Variants in RAB3IL1 observed in about 807,000 individuals in gnomAD.
RAB3IL1 encodes the protein RAB3A interacting protein like 1.
Under a neutral mutation model 49.2 loss-of-function variants are expected in RAB3IL1, and 37 were observed. That is an observed-to-expected ratio of 0.75 (90% confidence interval 0.58 to 0.99). The LOEUF (loss-of-function observed/expected upper bound fraction) is 0.99. RAB3IL1 is among the 50% of genes least tolerant of loss of function. The pLI, the probability that RAB3IL1 is intolerant of heterozygous loss-of-function variation, is 0.00. For missense variants in RAB3IL1, 484 were observed against 513.0 expected, an observed-to-expected ratio of 0.94 and a Z score of 0.55; for synonymous variants, 193 against 213.9, an observed-to-expected ratio of 0.90 and a Z score of 0.85.
Position 61,908,260 on chromosome 11 carries a change from G to T in RAB3IL1, c.58C>A (p.Pro20Thr), listed in dbSNP as rs764931762. 2.0e-6 allele frequency: 3 copies of T among 1,519,720 alleles called. No individual in the cohort carries two copies. In the Admixed American group the frequency reaches 6.2e-5, roughly 31 times the overall value. 94.1% of individuals were successfully genotyped at this position (1,519,720 alleles called of 1,614,324 possible). ...GGGTCCGTGCTCTTCCAGGGGACCG[G>T]GACAGCTGCAAGGGGCGGCGGGAGG... Reference protein sequence around the residue: ...QGLPPPLAAVPVPWKSTDPCQ... With the variant: ...QGLPPPLAAVTVPWKSTDPCQ... Residue 20 changes from proline to threonine, a missense_variant, in exon 2 of 10, where the codon CCG becomes ACG. Physicochemically the swap from Pro to Thr is conservative, Grantham distance 38. Coordinates refer to ENST00000394836, the MANE Select transcript of RAB3IL1 (RefSeq NM_013401.4).
At chr11:61,915,459 A>C (rs1939636996) in intron 1 of RAB3IL1, among the ~76,000 whole-genome samples, 1 of 152,110 alleles carries the variant, frequency 6.6e-6, no homozygotes, top group Non-Finnish European at 1.5e-5. Flanking sequence ...CCCACCCCAG[A>C]AACCATTTAT....
At chr11:61,910,830 C>T (rs1939423619) in intron 1 of RAB3IL1, among the ~76,000 whole-genome samples, 1 of 152,242 alleles carries the variant, frequency 6.6e-6, no homozygotes, top group South Asian at 2.1e-4. Flanking sequence ...ACAGGATGGC[C>T]ATAGTCACTC....
Position 61,917,529 on chromosome 11 carries a change from C to T in RAB3IL1, c.-162G>A, listed in dbSNP as rs1023971895. ...AGGTCTCAGACGCCTGGGCTCGCGG[C>T]CCCCAGCCCAGCCCCGACCCTGCCC... On this transcript the variant is annotated 5_prime_UTR_variant, in exon 1 of 10. Coordinates refer to ENST00000394836, the MANE Select transcript of RAB3IL1 (RefSeq NM_013401.4). 5 of 1,115,136 alleles carry T rather than the reference C, an allele frequency of 4.5e-6. No homozygotes were observed. The highest frequency in any genetic ancestry group is 5.0e-5 in the Admixed American group (1 of 19,974). The allele number at this position is 1,115,136 out of a possible 1,614,324, so 69.1% of individuals were successfully genotyped here. A position where few individuals can be genotyped will look rare whatever the true frequency, so the allele number is the denominator to read the frequency against.
the RAB3IL1 span, among the ~76,000 whole-genome samples, chr11:61,927,682 G>A: frequency 6.9e-6 from 1 of 145,186 alleles, no homozygotes; most frequent in African/African-American, 2.6e-5. Context: ...AGTTGACTGG[G>A]TCATGGTAAT....
upstream of RAB3IL1, among the ~76,000 whole-genome samples, chr11:61,924,780 G>A (rs1373403340): frequency 6.6e-6 from 1 of 152,168 alleles, no homozygotes; most frequent in Non-Finnish European, 1.5e-5. Context: ...AAGAAGGGAG[G>A]AAGGAAGGAG....
intron 1 of RAB3IL1, among the ~76,000 whole-genome samples, chr11:61,913,824 T>C (rs1350457113): frequency 6.6e-6 from 1 of 152,262 alleles, no homozygotes; most frequent in Middle Eastern, 3.4e-3. Context: ...TTGATTTGCA[T>C]CTCCCTCCCG....
chr11:61,926,048 A>C, the RAB3IL1 span, among the ~76,000 whole-genome samples: 1 of 151,154 alleles, frequency 6.6e-6, no homozygotes, highest in African/African-American at 2.4e-5. Flanking sequence ...TTAACAGAAA[A>C]AGATCAATAG....
chr11:61,934,444 G>GTA, the RAB3IL1 span, among the ~76,000 whole-genome samples: 57 of 83,626 alleles, frequency 6.8e-4, 1 homozygote, highest in African/African-American at 2.4e-3. Context: ...GTGTGTGTGT[G>GTA]TGTATGTATA....
Position 61,898,569 on chromosome 11 carries a change from G to A in RAB3IL1, c.1067-209C>T, listed in dbSNP as rs559582705. ...AAACTGCTGAGTGCCGACCACACCC[G>A]AGGGATCTGTTTGCACTACACTGAC... is the stretch of plus-strand genomic sequence containing the variant. On this transcript the variant is annotated intron_variant, in intron 9 of 9. Coordinates refer to ENST00000394836, the MANE Select transcript of RAB3IL1 (RefSeq NM_013401.4). This position sits in a 1 kb window ranked among gnomAD's most constrained non-coding sequence, Gnocchi z 5.1. Among the ~76,000 whole-genome samples the A allele has an allele frequency of 2.0e-4, 30 of 152,316 alleles. No homozygotes were observed. The highest frequency in any genetic ancestry group is 3.4e-3 in the Middle Eastern group (1 of 294).
At chr11:61,928,991 AC>A in the RAB3IL1 span, among the ~76,000 whole-genome samples, 1 of 152,176 alleles carries the variant, frequency 6.6e-6, no homozygotes, top group Non-Finnish European at 1.5e-5. Context: ...GAAAAAGAAC[AC>A]ACACAAAATT....
In RAB3IL1 at chr11:61,907,757, T is replaced by C. The variant is rs1006891069; in HGVS notation, c.265-97A>G. On this transcript the variant is annotated intron_variant, in intron 2 of 9. Transcript: ENST00000394836. ...CGGACCAGGTTCCATCCCCTCGTCA[T>C]TTTATGTGGGGCTCAGAGTTTATTT... is the stretch of plus-strand genomic sequence containing the variant. The C allele has an allele frequency of 1.7e-5, 19 of 1,117,688 alleles. No homozygotes were observed. The Admixed American group carries it at 4.2e-4, about 25-fold the overall frequency. The allele number at this position is 1,117,688 out of a possible 1,614,324, so 69.2% of individuals were successfully genotyped here. A position where few individuals can be genotyped will look rare whatever the true frequency, so the allele number is the denominator to read the frequency against.
In RAB3IL1 at chr11:61,904,590, C is replaced by T. The variant is rs910740028; in HGVS notation, c.855G>A (p.Thr285=). Residue 285 remains threonine (T), a synonymous_variant, in exon 7 of 10, where the codon ACG becomes ACA. Transcript: ENST00000394836. Reference sequence around the variant, plus strand: ...CCTCGGCCACCTTCACTGTGGGCAGCGTCTGCGAAGCCACCGGCTCAATGG... The same window carrying T: ...CCTCGGCCACCTTCACTGTGGGCAGTGTCTGCGAAGCCACCGGCTCAATGG... The part of the protein sequence containing the change: ...TLTIEPVASQ[T]LPTVKVAEVD... 14 of 1,613,112 alleles carry T rather than the reference C, an allele frequency of 8.7e-6. No homozygotes were observed. Among genetic ancestry groups the T allele is most frequent in the African/African-American group, 4.0e-5 (3 of 74,904 alleles).
chr11:61,913,989 G>T (rs961500954), intron 1 of RAB3IL1, among the ~76,000 whole-genome samples: 5 of 152,192 alleles, frequency 3.3e-5, no homozygotes, highest in Admixed American at 2.6e-4. Context: ...GGGTAGAGTA[G>T]GCAGTTAGAT....
intron 8 of RAB3IL1, among the ~76,000 whole-genome samples, chr11:61,900,802 C>T (rs997121295): frequency 2.0e-5 from 3 of 152,196 alleles, no homozygotes; most frequent in African/African-American, 7.2e-5. Flanking sequence ...GCAGGACACC[C>T]AGGCCAGGGA....
At chr11:61,936,862 A>G in the RAB3IL1 span, among the ~76,000 whole-genome samples, 15,856 of 152,018 alleles carry the variant, frequency 0.1, 1,499 homozygotes, top group East Asian at 0.57. Flanking sequence ...TATCCTTCAG[A>G]AAAAAAAGGA....
chr11:61,933,856 A>T, the RAB3IL1 span, among the ~76,000 whole-genome samples: 58,731 of 151,740 alleles, frequency 0.39, 11,706 homozygotes, highest in South Asian at 0.65. Flanking sequence ...GAGGCAGGAG[A>T]ATCACTTGAA....
At position 61,906,495 on chromosome 11, in the gene RAB3IL1, T is replaced by C. The variant is rs1380776699; in HGVS notation, c.628A>G (p.Thr210Ala). The change falls in exon 5 of 10, where the codon ACC becomes GCC. Residue 210 changes from threonine to alanine, a missense_variant. Thr to Ala is a moderately conservative substitution (Grantham distance 58). Coordinates refer to ENST00000394836, the MANE Select transcript of RAB3IL1 (RefSeq NM_013401.4). This position sits in a 1 kb window ranked among gnomAD's most constrained non-coding sequence, Gnocchi z 4.6. ...TTGCCCTCTCTGTCTGGGGTGAGGG[T>C]GTGTCCCGCAGCGGGACACACGGCG... ...CPAVCPAAGH[T>A]LTPDREGKEV... 6.5e-7 allele frequency: 1 copy of C among 1,546,508 alleles called. No individual in the cohort carries two copies. The highest frequency in any genetic ancestry group is 2.0e-5 in the Admixed American group (1 of 51,072).
chr11:61,915,060 C>G (rs976933685), intron 1 of RAB3IL1, among the ~76,000 whole-genome samples: 1 of 152,140 alleles, frequency 6.6e-6, no homozygotes, highest in East Asian at 1.9e-4. Context: ...AAATGGGGGG[C>G]CATAAAAATA....
the RAB3IL1 span, among the ~76,000 whole-genome samples, chr11:61,938,892 C>T: frequency 1.3e-5 from 2 of 151,662 alleles, no homozygotes; most frequent in African/African-American, 4.9e-5. Flanking sequence ...TGCTACTGCT[C>T]TCCAGCCTGG....
Sources: gnomAD v4.1 joint callset for allele counts (sites outside exome capture counted in the v4.1 genomes callset) on GRCh38, gnomAD v4.1.1 for gene constraint, Gnocchi (gnomAD v3.1) non-coding constraint, MANE v1.5 for transcripts, NCBI Gene and HGNC (gene_info 2026-07-23, HGNC 2026-07-21) for gene names.